Variants in SRR observed in about 807,000 individuals in gnomAD.
SRR encodes serine racemase, also known as D-serine ammonia-lyase.
Under a neutral mutation model 32.7 loss-of-function variants are expected in SRR, and 19 were observed. The ratio of observed to expected loss-of-function variants is 0.58; its 90% CI spans 0.40 to 0.85. SRR has a LOEUF of 0.85. Among genes scored for constraint, SRR ranks in the 40% least tolerant of loss-of-function variants. The pLI, the probability that SRR is intolerant of heterozygous loss-of-function variation, is 0.00. For missense variants in SRR, 373 were observed against 404.7 expected (o/e 0.92, Z 0.67); for synonymous variants, 142 against 140.9 (o/e 1.01, Z -0.06).
At chr17:2,307,806 A>G in intron 1 of SRR, 1 of 714,052 alleles carries the variant, frequency 1.4e-6, no homozygotes, top group Non-Finnish European at 2.5e-6. Flanking sequence ...TAAGCCAAGC[A>G]CAGTGGTGGC....
At chr17:2,307,142 A>G in intron 1 of SRR, 2 of 1,232,340 alleles carry the variant, frequency 1.6e-6, no homozygotes, top group Non-Finnish European at 2.4e-6. Flanking sequence ...TTTGAACAGT[A>G]TGGAAAAACT....
intron 1 of SRR, 45 bp from the exon 2 acceptor site, chr17:2,315,512 T>C (rs1272962987): frequency 1.9e-6 from 3 of 1,548,586 alleles, no homozygotes; most frequent in Non-Finnish European, 2.6e-6. Flanking sequence ...ATAAACATAC[T>C]GTCTCAGACT....
intron 1 of SRR, among the ~76,000 whole-genome samples, chr17:2,308,101 AAAAG>A (rs1292331579): frequency 6.6e-6 from 1 of 151,704 alleles, no homozygotes; most frequent in Admixed American, 6.6e-5. Context: ...CATGGGTCAA[AAAAG>A]AAAACAAGAC....
intron 1 of SRR, among the ~76,000 whole-genome samples, chr17:2,305,511 GT>G (rs1429282369): frequency 1.3e-5 from 2 of 152,086 alleles, no homozygotes; most frequent in Non-Finnish European, 2.9e-5. Context: ...TTAAATACGA[GT>G]TCCAGAAGGG....
chr17:2,313,269 A>G (rs1455678459), intron 1 of SRR, among the ~76,000 whole-genome samples: 2 of 151,572 alleles, frequency 1.3e-5, no homozygotes, highest in African/African-American at 4.9e-5. Flanking sequence ...GTCTCCACTA[A>G]AAATAAAAAA....
At chr17:2,318,759 C>G in intron 3 of SRR, 67 bp from the exon 4 acceptor site, 3 of 1,191,650 alleles carry the variant, frequency 2.5e-6, no homozygotes. Flanking sequence ...TGTGACCCAC[C>G]GTGCCTGGCC....
At chr17:2,303,750 C>G (rs1411615102), upstream of SRR, 7 of 1,479,050 alleles carry the variant, frequency 4.7e-6, no homozygotes, top group Non-Finnish European at 6.3e-6. Flanking sequence ...GCCGTAGCGG[C>G]TCCGCCACCG....
At chr17:2,319,708 A>T (rs1262779533) in intron 4 of SRR, among the ~76,000 whole-genome samples, 1 of 151,656 alleles carries the variant, frequency 6.6e-6, no homozygotes, top group Non-Finnish European at 1.5e-5. Flanking sequence ...ATCAATTCTC[A>T]CCTATATTCA....
intron 1 of SRR, among the ~76,000 whole-genome samples, chr17:2,310,431 G>T (rs1033637354): frequency 6.6e-6 from 1 of 152,062 alleles, no homozygotes; most frequent in Non-Finnish European, 1.5e-5. Context: ...GCCCAGGCTG[G>T]TCTTAAATTC....
chr17:2,306,887 G>A, intron 1 of SRR: 1 of 918,788 alleles, frequency 1.1e-6, no homozygotes, highest in South Asian at 1.3e-5. Context: ...CTCGCGGACT[G>A]TGTGGTAATG....
chr17:2,321,772 T>A (rs192536750), intron 6 of SRR, among the ~76,000 whole-genome samples, 156 bp downstream of exon 6: 2 of 152,286 alleles, frequency 1.3e-5, no homozygotes, highest in Admixed American at 1.3e-4. Flanking sequence ...GCCTCACTAC[T>A]CTATTTACTA....
chr17:2,303,773 A>G, upstream of SRR: 2 of 1,438,090 alleles, frequency 1.4e-6, no homozygotes, highest in Non-Finnish European at 1.8e-6. Flanking sequence ...GCGCGCAGCC[A>G]GGAAACCACC....
upstream of SRR, chr17:2,303,756 C>G: frequency 6.8e-7 from 1 of 1,473,824 alleles, no homozygotes; most frequent in South Asian, 1.3e-5. Flanking sequence ...GCGGCTCCGC[C>G]ACCGCCGCGC....
At position 2,324,541 on chromosome 17, in the gene SRR, C is replaced by T. The variant is rs1699678702; in HGVS notation, c.*668C>T. 11 of 1,614,120 alleles carry T rather than the reference C, an allele frequency of 6.8e-6. No individual in the cohort carries two copies. Among genetic ancestry groups the T allele is most frequent in the Non-Finnish European group, 7.6e-6 (9 of 1,180,046 alleles). On this transcript the variant is annotated 3_prime_UTR_variant, in exon 8 of 8. Transcript: ENST00000344595. ...TGATATGTCCTCTCCGGCCCCACTT[C>T]GTTCTCAGTTCCACTGGTTTAAACC...
At position 2,323,331 on chromosome 17, in the gene SRR, G is replaced by C. The variant is rs762132935; in HGVS notation, c.790G>C (p.Glu264Gln). The C allele has an allele frequency of 6.2e-7, 1 of 1,614,012 alleles. No homozygotes were observed. The highest frequency in any genetic ancestry group is 1.7e-4 in the Middle Eastern group (1 of 6,058). The part of the protein sequence containing the change: ...DLVDDIFTVT[E>Q]DEIKCATQLV... The stretch of plus-strand genomic sequence containing the variant: ...TGTGGATGATATCTTCACTGTCACA[G>C]AGGATGAAATTAAGGTGAGGCTCCA... Residue 264 changes from glutamate (E) to glutamine (Q), a missense_variant, in exon 7 of 8, where the codon GAG becomes CAG. Physicochemically the swap from Glu to Gln is conservative, Grantham distance 29. Transcript: ENST00000344595.
At chr17:2,316,617 T>G (rs1314052972) in intron 2 of SRR, among the ~76,000 whole-genome samples, 1 of 152,192 alleles carries the variant, frequency 6.6e-6, no homozygotes, top group African/African-American at 2.4e-5. Context: ...TGGTTCACAC[T>G]TGTAATCCCA....
rs1282264891 is a variant in SRR, at chr17:2,321,383, G to A, written c.477G>A (p.Val159=). The A allele has an allele frequency of 3.1e-6, 5 of 1,612,504 alleles. No homozygotes were observed. In the African/African-American group the frequency reaches 4.0e-5, roughly 13 times the overall value. ...IMVHPNQEPA[V]IAGQGTIALE... is the part of the protein sequence containing the mutation. ...TACATCCCAACCAGGAGCCTGCAGT[G>A]ATAGCTGGACAAGGGACAATTGCCC... The change falls in exon 5 of 8, where the codon GTG becomes GTA. Residue 159 remains valine, a synonymous_variant. Coordinates refer to ENST00000344595, the MANE Select transcript of SRR (RefSeq NM_021947.3).
upstream of SRR, chr17:2,303,723 T>C: frequency 6.7e-7 from 1 of 1,491,518 alleles, no homozygotes; most frequent in Non-Finnish European, 8.9e-7. Flanking sequence ...TCCGCCATCT[T>C]CGCGGCTGCT....
chr17:2,314,197 C>G (rs931801994), intron 1 of SRR, among the ~76,000 whole-genome samples: 3 of 152,140 alleles, frequency 2.0e-5, no homozygotes, highest in African/African-American at 7.2e-5. Flanking sequence ...CGCCTATAAT[C>G]CCAGCACTTT....
Sources: gnomAD v4.1 joint callset for allele counts (sites outside exome capture counted in the v4.1 genomes callset) on GRCh38, gnomAD v4.1.1 for gene constraint, MANE v1.5 for transcripts, NCBI Gene and HGNC (gene_info 2026-07-23, HGNC 2026-07-21) for gene names.